The following DGKB variants were observed in gnomAD, a reference collection of about 807,000 sequenced individuals.
The protein encoded by DGKB is diacylglycerol kinase beta, also known as 90 kDa diacylglycerol kinase.
A neutral mutation model predicts 114.3 loss-of-function variants in DGKB; 67 were observed. That is an observed-to-expected ratio of 0.59 (90% CI 0.48 to 0.72). The LOEUF (loss-of-function observed/expected upper bound fraction) is 0.72, where lower values mean the gene tolerates loss of function less well. DGKB is among the 30% of genes least tolerant of loss of function. The probability of loss-of-function intolerance (pLI) is 0.00; values close to 1 mark genes in which losing one functional copy is unlikely to be tolerated. For missense variants in DGKB, 907 were observed against 975.2 expected (o/e 0.93, Z 0.93); for synonymous variants, 398 against 323.1 (o/e 1.23, Z -2.49).
In DGKB at chr7:14,968,273, C is replaced by T. The variant is rs554987848; in HGVS notation, c.-188+6423G>A. Among the ~76,000 whole-genome samples the T allele has an allele frequency of 8.6e-5, 13 of 151,508 alleles. No homozygotes were observed. The East Asian group carries it at 2.5e-3, about 29-fold the overall frequency. On this transcript the variant is annotated intron_variant, in intron 1 of 4. Transcript: ENST00000437998. ...AACAATTTTTTAAATTAGTTTCTAA[C>T]TTGAGGCTTTAGAACATTTGATTTG...
intron 2 of DGKB, among the ~76,000 whole-genome samples, chr7:14,786,900 G>A (rs1839982161): frequency 6.6e-6 from 1 of 152,206 alleles, no homozygotes; most frequent in Admixed American, 6.5e-5. Flanking sequence ...GCAGATGACG[G>A]GGTGACTGCC....
chr7:14,700,449 G>T (rs1206216931), intron 7 of DGKB, among the ~76,000 whole-genome samples: 1 of 152,058 alleles, frequency 6.6e-6, no homozygotes, highest in Non-Finnish European at 1.5e-5. Context: ...CTGACTTCAG[G>T]TGATCGCCTG....
intron 21 of DGKB, among the ~76,000 whole-genome samples, chr7:14,464,962 T>A (rs1399555612): frequency 1.3e-5 from 2 of 152,130 alleles, no homozygotes; most frequent in African/African-American, 4.8e-5. Flanking sequence ...TAAGGGTGGC[T>A]AGGTCACTAA....
chr7:14,174,068 T>C (rs771249263), intron 25 of DGKB, among the ~76,000 whole-genome samples: 3 of 152,150 alleles, frequency 2.0e-5, no homozygotes, highest in Admixed American at 1.3e-4. Context: ...AGGCAGACAT[T>C]TTCAAGCTGG....
chr7:14,777,450 C>A (rs902192055), intron 2 of DGKB, among the ~76,000 whole-genome samples: 1 of 152,070 alleles, frequency 6.6e-6, no homozygotes, highest in Non-Finnish European at 1.5e-5. Context: ...ATGGGAGGGA[C>A]CTGGTGGGAG....
chr7:14,209,327 A>C (rs929509412), intron 23 of DGKB: 13 of 309,522 alleles, frequency 4.2e-5, no homozygotes, highest in Non-Finnish European at 8.3e-5. Context: ...ATTCCTTTTC[A>C]TAGAGAGATA....
chr7:14,251,086 C>T (rs956063011), intron 23 of DGKB, among the ~76,000 whole-genome samples: 2 of 152,022 alleles, frequency 1.3e-5, no homozygotes, highest in Non-Finnish European at 2.9e-5. Flanking sequence ...TCCATTCAGC[C>T]CCTCTAGGTC....
chr7:14,491,396 G>C (rs1366479141), intron 20 of DGKB, among the ~76,000 whole-genome samples: 2 of 152,050 alleles, frequency 1.3e-5, no homozygotes, highest in African/African-American at 4.8e-5. Context: ...ACGTGGAACT[G>C]TGAATCCATT....
intron 4 of DGKB, among the ~76,000 whole-genome samples, chr7:14,738,613 T>G (rs1365106940): frequency 6.6e-6 from 1 of 152,190 alleles, no homozygotes; most frequent in African/African-American, 2.4e-5. Flanking sequence ...TTAAATAAAT[T>G]TTTGTGTAAA....
chr7:14,459,458 G>C (rs1281678348), intron 21 of DGKB, among the ~76,000 whole-genome samples: 1 of 152,066 alleles, frequency 6.6e-6, no homozygotes, highest in Non-Finnish European at 1.5e-5. Flanking sequence ...TGAAGCATAC[G>C]CAAGTATCAG....
At chr7:14,502,758 C>G (rs562750944) in intron 20 of DGKB, among the ~76,000 whole-genome samples, 1 of 152,068 alleles carries the variant, frequency 6.6e-6, no homozygotes, top group African/African-American at 2.4e-5. Context: ...CTATATAACA[C>G]TATTCTCTTC....
intron 25 of DGKB, 44 bp from the exon 26 acceptor site, chr7:14,149,282 C>A: frequency 6.9e-7 from 1 of 1,440,316 alleles, no homozygotes; most frequent in Non-Finnish European, 9.7e-7. Flanking sequence ...ATAGAGTAAT[C>A]TCCAGATAGA....
Position 14,607,420 on chromosome 7 carries a change from A to G in DGKB, c.1433+14T>C, listed in dbSNP as rs1306011108. On this transcript the variant is annotated intron_variant, in intron 17 of 25. Transcript: ENST00000402815. ...TAACTGAGTTAATGGTAATAATATT[A>G]TCCTTGGACTTACCCTGGCATTGGT... The G allele has an allele frequency of 5.1e-6, 7 of 1,368,074 alleles. No homozygotes were observed. Among genetic ancestry groups the G allele is most frequent in the Non-Finnish European group, 7.3e-6 (7 of 961,148 alleles). 84.7% of individuals were successfully genotyped at this position (1,368,074 alleles called of 1,614,324 possible).
At chr7:14,740,030 C>T (rs1030942523) in intron 4 of DGKB, among the ~76,000 whole-genome samples, 2 of 152,226 alleles carry the variant, frequency 1.3e-5, no homozygotes, top group African/African-American at 4.8e-5. Flanking sequence ...GGGACTGAGC[C>T]GCAGCTGCTG....
At chr7:14,564,963 T>C (rs556690323) in intron 20 of DGKB, among the ~76,000 whole-genome samples, 1 of 152,128 alleles carries the variant, frequency 6.6e-6, no homozygotes, top group Non-Finnish European at 1.5e-5. Context: ...GATTTAAGTA[T>C]ATGTTTAGGT....
chr7:14,752,814 C>T (rs946641679), intron 4 of DGKB, among the ~76,000 whole-genome samples: 7 of 152,088 alleles, frequency 4.6e-5, no homozygotes, highest in Admixed American at 4.6e-4. Flanking sequence ...CATTTAATAG[C>T]CGAGTCCTGA....
intron 1 of DGKB, among the ~76,000 whole-genome samples, chr7:14,919,451 C>G (rs559064473): frequency 6.6e-6 from 1 of 152,078 alleles, no homozygotes; most frequent in Non-Finnish European, 1.5e-5. Context: ...ATGTAGAAAC[C>G]TATACAGAGA....
chr7:14,286,522 G>A (rs995947733), intron 23 of DGKB, among the ~76,000 whole-genome samples: 3 of 152,118 alleles, frequency 2.0e-5, no homozygotes, highest in Non-Finnish European at 4.4e-5. Flanking sequence ...TGGGAAATAT[G>A]TCTGAATTAG....
At chr7:14,718,765 C>T in intron 5 of DGKB, 80 bp from the exon 6 acceptor site, 1 of 1,039,262 alleles carries the variant, frequency 9.6e-7, no homozygotes, top group South Asian at 1.6e-5. Context: ...AAATAGAGAA[C>T]ACACAGGCTA....
Sources: allele counts gnomAD v4.1 joint callset (sites outside exome capture counted in the v4.1 genomes callset), GRCh38; gene constraint gnomAD v4.1.1; transcripts MANE v1.5; gene names NCBI Gene and HGNC (gene_info 2026-07-23, HGNC 2026-07-21).